CADM2: variants seen among roughly 807,000 people sequenced by gnomAD.
CADM2 encodes the protein immunoglobulin superfamily member 4D.
In CADM2, 12 loss-of-function variants were observed where a neutral mutation model predicts 49.8. That is an observed-to-expected ratio of 0.24 (90% confidence interval 0.15 to 0.39). CADM2 has a LOEUF of 0.39. Among genes scored for constraint, CADM2 ranks in the 10% least tolerant of loss-of-function variants. The pLI is 1.00. For missense variants in CADM2, 378 were observed against 492.3 expected (o/e 0.77, Z 2.20); for synonymous variants, 214 against 175.4 (o/e 1.22, Z -1.74).
chr3:85,214,262 T>G (rs1444825746), intron 1 of CADM2, among the ~76,000 whole-genome samples: 1 of 152,160 alleles, frequency 6.6e-6, no homozygotes, highest in Admixed American at 6.5e-5. Context: ...ACTCTTGTTC[T>G]CTTTCCTTAC....
chr3:85,431,008 T>A (rs1443418912), intron 1 of CADM2, among the ~76,000 whole-genome samples: 1 of 152,162 alleles, frequency 6.6e-6, no homozygotes, highest in East Asian at 1.9e-4. Flanking sequence ...CATAAGCATG[T>A]CTTAGTCAAT....
intron 3 of CADM2, among the ~76,000 whole-genome samples, chr3:85,817,750 T>C (rs2073300620): frequency 6.6e-6 from 1 of 152,090 alleles, no homozygotes; most frequent in Non-Finnish European, 1.5e-5. Context: ...GAAGTGGAGC[T>C]TGCAGTGAGC....
At chr3:85,408,566 A>C (rs189104392) in intron 1 of CADM2, among the ~76,000 whole-genome samples, 1 of 152,258 alleles carries the variant, frequency 6.6e-6, no homozygotes, top group East Asian at 1.9e-4. Flanking sequence ...CCACCCAATG[A>C]GTTAGATTTC....
intron 1 of CADM2, among the ~76,000 whole-genome samples, chr3:85,533,678 A>G (rs1000028624): frequency 6.6e-6 from 1 of 152,210 alleles, no homozygotes. Flanking sequence ...AGACAGAAAC[A>G]GAGCGAATAG....
At chr3:85,979,354 T>C (rs762756919) in intron 8 of CADM2, 19 of 1,505,020 alleles carry the variant, frequency 1.3e-5, no homozygotes, top group Non-Finnish European at 1.7e-5. Flanking sequence ...TTTAGAAAGG[T>C]TAAAAACATT....
At chr3:85,972,075 T>G (rs1473585996) in intron 8 of CADM2, among the ~76,000 whole-genome samples, 3 of 151,530 alleles carry the variant, frequency 2.0e-5, no homozygotes, top group Admixed American at 6.6e-5. Context: ...TACTGGTGAG[T>G]TGGGACCTTC....
intron 2 of CADM2, among the ~76,000 whole-genome samples, chr3:85,762,052 A>C (rs2069415193): frequency 6.6e-6 from 1 of 152,096 alleles, no homozygotes; most frequent in Non-Finnish European, 1.5e-5. Flanking sequence ...GAGGAAGAAT[A>C]ATTTATTGGG....
At position 85,359,662 on chromosome 3, in the gene CADM2, A is replaced by ATTTTT. The variant is rs71108279; in HGVS notation, c.62-366859_62-366858insTTTTT. On this transcript the variant is annotated intron_variant, in intron 1 of 9. Transcript: ENST00000383699. Reference sequence around the variant, plus strand: ...CATATATATATATATATATATATATATATATTTTTTTTTTTGGTGGAGGGG... The same window carrying ATTTTT: ...CATATATATATATATATATATATATATTTTTTATATTTTTTTTTTTGGTGGAGGGG... Among the ~76,000 whole-genome samples the ATTTTT allele has an allele frequency of 7.7e-4, 20 of 25,922 alleles. 1 individual carries two copies. The highest frequency in any genetic ancestry group is 6.5e-3 in the East Asian group (5 of 772). 17.0% of individuals were successfully genotyped at this position (25,922 alleles called of 152,430 possible).
intron 1 of CADM2, among the ~76,000 whole-genome samples, chr3:85,255,794 C>T (rs1219546009): frequency 1.3e-5 from 2 of 152,044 alleles, no homozygotes; most frequent in Non-Finnish European, 2.9e-5. Flanking sequence ...CCTTTCCCTA[C>T]TTCTAATCCT....
intron 1 of CADM2, among the ~76,000 whole-genome samples, chr3:85,094,196 A>T (rs556312783): frequency 1.3e-5 from 2 of 152,302 alleles, no homozygotes; most frequent in African/African-American, 4.8e-5. Flanking sequence ...AATAGGAAAC[A>T]AACATGTATT....
intron 1 of CADM2, among the ~76,000 whole-genome samples, chr3:85,034,811 T>C (rs903061412): frequency 9.0e-5 from 13 of 143,648 alleles, no homozygotes; most frequent in Admixed American, 7.1e-5. Flanking sequence ...TTTTTTTTTT[T>C]TTTACCTCCT....
At chr3:85,248,853 AC>A (rs1331941395) in intron 1 of CADM2, among the ~76,000 whole-genome samples, 2 of 152,304 alleles carry the variant, frequency 1.3e-5, no homozygotes, top group East Asian at 3.9e-4. Flanking sequence ...ATTCTGGTGT[AC>A]TCAGTAAATC....
intron 1 of CADM2, among the ~76,000 whole-genome samples, chr3:85,541,728 ATATT>A (rs1353638721): frequency 8.5e-6 from 1 of 118,008 alleles, no homozygotes; most frequent in Non-Finnish European, 1.6e-5. Flanking sequence ...TTATATATAT[ATATT>A]TTATATATAT....
At position 86,071,176 on chromosome 3, in the gene CADM2, A is replaced by ATTCT. The variant is rs1739833620; in HGVS notation, c.*4395_*4398dup. 6.6e-6 allele frequency: 1 copy of ATTCT among 151,944 alleles called. No homozygotes were observed. Among genetic ancestry groups the ATTCT allele is most frequent in the African/African-American group, 2.4e-5 (1 of 41,432 alleles). The allele number at this position is 151,944 out of a possible 1,614,324, so 9.4% of individuals were successfully genotyped here. A position where few individuals can be genotyped will look rare whatever the true frequency, so the allele number is the denominator to read the frequency against. On this transcript the variant is annotated 3_prime_UTR_variant, in exon 10 of 10. Coordinates refer to ENST00000383699, the MANE Select transcript of CADM2 (RefSeq NM_001167675.2). ...CGATTCATATCTCATTGAATTGGGA[A>ATTCT]TTCTTCAATTTTGTTTGAAATGTGT...
At chr3:85,908,254 C>CTTTCTTT (rs1377803079) in intron 5 of CADM2, among the ~76,000 whole-genome samples, 6 of 65,776 alleles carry the variant, frequency 9.1e-5, no homozygotes, top group African/African-American at 1.7e-4. Context: ...TTTTTTTCTT[C>CTTTCTTT]TTTTTTTTTT....
chr3:85,359,654 A>AT (rs1426185886), intron 1 of CADM2, among the ~76,000 whole-genome samples: 1 of 16,416 alleles, frequency 6.1e-5, no homozygotes, highest in Non-Finnish European at 2.6e-4. Context: ...ATATATATAT[A>AT]TATATATATA....
intron 2 of CADM2, among the ~76,000 whole-genome samples, chr3:85,774,527 A>G (rs2070260616): frequency 6.6e-6 from 1 of 151,588 alleles, no homozygotes; most frequent in Admixed American, 6.6e-5. Flanking sequence ...AAATTTTATT[A>G]CCTTTTTTGC....
chr3:85,189,340 A>G lies in CADM2; in HGVS notation c.61+229672A>G, dbSNP rs143264364. ...GTTGCAAGTTTTTTTTTTAAGTGAC[A>G]AAGAGAAGGATCTTGAACCTTGAAT... On this transcript the variant is annotated intron_variant, in intron 1 of 9. Transcript: ENST00000383699. Among the ~76,000 whole-genome samples, 340 of 152,078 alleles carry G rather than the reference A, an allele frequency of 2.2e-3. 2 individuals are homozygous for G. The Middle Eastern group carries it at 0.024, about 11-fold the overall frequency.
At chr3:85,503,228 G>A (rs2040190611) in intron 1 of CADM2, among the ~76,000 whole-genome samples, 1 of 152,102 alleles carries the variant, frequency 6.6e-6, no homozygotes, top group Non-Finnish European at 1.5e-5. Context: ...TTTATTTAAA[G>A]AAATATTTTG....
Sources: allele counts gnomAD v4.1 joint callset (sites outside exome capture counted in the v4.1 genomes callset), GRCh38; gene constraint gnomAD v4.1.1; transcripts MANE v1.5; gene names NCBI Gene and HGNC (gene_info 2026-07-23, HGNC 2026-07-21).